Variants in LGMN observed in about 807,000 individuals in gnomAD.
LGMN encodes asparaginyl endopeptidase.
A neutral mutation model predicts 56.8 loss-of-function variants in LGMN; 36 were observed. That is an observed-to-expected ratio of 0.63 (90% CI 0.49 to 0.84). LGMN has a LOEUF of 0.84. Among genes scored for constraint, LGMN ranks in the 40% least tolerant of loss-of-function variants. The probability of loss-of-function intolerance (pLI) is 0.00; values close to 1 mark genes in which losing one functional copy is unlikely to be tolerated. For missense variants in LGMN, 446 were observed against 556.1 expected (o/e 0.80, Z 1.99); for synonymous variants, 199 against 210.1 (o/e 0.95, Z 0.46).
chr14:92,704,291 C>T lies in LGMN; in HGVS notation c.*28G>A, dbSNP rs746114075. The T allele has an allele frequency of 8.1e-6, 13 of 1,612,766 alleles. No homozygotes were observed. The highest frequency in any genetic ancestry group is 1.0e-5 in the Non-Finnish European group (12 of 1,179,976). On this transcript the variant is annotated 3_prime_UTR_variant, in exon 14 of 14. Transcript: ENST00000334869. ...GCACACAGTCGGTGGGGCGCTCACA[C>T]TTGGAAAAGCTTCCAGGAGGCAGCT...
intron 2 of LGMN, among the ~76,000 whole-genome samples, chr14:92,721,837 C>G (rs1299888363): frequency 6.6e-6 from 1 of 152,138 alleles, no homozygotes; most frequent in Admixed American, 6.6e-5. Flanking sequence ...GATGGGTACC[C>G]AAGAAGTGCA....
intron 7 of LGMN, 41 bp from the exon 8 acceptor site, chr14:92,712,912 TAC>T (rs1289680577): frequency 4.4e-6 from 7 of 1,581,060 alleles, no homozygotes; most frequent in Non-Finnish European, 6.1e-6. Flanking sequence ...CCCATCCAGG[TAC>T]GGGCCTCCAG....
chr14:92,728,897 G>C (rs998070417), intron 2 of LGMN, among the ~76,000 whole-genome samples: 4 of 152,138 alleles, frequency 2.6e-5, no homozygotes, highest in African/African-American at 9.7e-5. Context: ...TGGGTTGTCT[G>C]AGGATTGAGA....
intron 1 of LGMN, among the ~76,000 whole-genome samples, chr14:92,736,081 C>G (rs1377797843): frequency 6.6e-6 from 1 of 152,170 alleles, no homozygotes; most frequent in East Asian, 1.9e-4. Flanking sequence ...GCAAGTGAAA[C>G]AGTGAAAGAA....
chr14:92,719,878 A>C (rs1390513171), intron 2 of LGMN, among the ~76,000 whole-genome samples: 1 of 152,238 alleles, frequency 6.6e-6, no homozygotes, highest in Non-Finnish European at 1.5e-5. Context: ...TAATTTTGTC[A>C]TTCCTAGAAC....
intron 12 of LGMN, 94 bp downstream of exon 12, chr14:92,706,389 A>G (rs1410480744): frequency 9.5e-7 from 1 of 1,056,826 alleles, no homozygotes; most frequent in Non-Finnish European, 1.3e-6. Flanking sequence ...CCTGGATGGA[A>G]CCTTCTATAA....
At chr14:92,746,622 A>G (rs928883036) in intron 1 of LGMN, among the ~76,000 whole-genome samples, 2 of 152,208 alleles carry the variant, frequency 1.3e-5, no homozygotes, top group Admixed American at 1.3e-4. Context: ...CACACTACAG[A>G]GTATCTGAGA....
intron 4 of LGMN, among the ~76,000 whole-genome samples, chr14:92,716,680 T>C (rs963222177): frequency 1.3e-5 from 2 of 152,186 alleles, no homozygotes; most frequent in Non-Finnish European, 2.9e-5. Context: ...TACGGTCATC[T>C]TTTTTACCTG....
rs1269394197 is a variant in LGMN, at chr14:92,704,031, T to C, written c.*288A>G. On this transcript the variant is annotated 3_prime_UTR_variant, in exon 14 of 14. Transcript: ENST00000334869. ...GCTACAGAAGCCCCCATGAGCTTCCTGCTCCTCAAAACTAACAGGCAAAAC... is the reference window on the plus strand; with the variant it reads ...GCTACAGAAGCCCCCATGAGCTTCCCGCTCCTCAAAACTAACAGGCAAAAC... 8 of 693,908 alleles carry C rather than the reference T, an allele frequency of 1.2e-5. No homozygotes were observed. The highest frequency in any genetic ancestry group is 2.1e-5 in the Admixed American group (1 of 48,514). The allele number at this position is 693,908 out of a possible 1,614,324, so 43.0% of individuals were successfully genotyped here. A position where few individuals can be genotyped will look rare whatever the true frequency, so the allele number is the denominator to read the frequency against.
At chr14:92,717,900 G>A (rs1224719165) in intron 3 of LGMN, among the ~76,000 whole-genome samples, 3 of 152,182 alleles carry the variant, frequency 2.0e-5, no homozygotes, top group Non-Finnish European at 4.4e-5. Flanking sequence ...CACAGTAAGG[G>A]TAGCGTCCTT....
intron 10 of LGMN, among the ~76,000 whole-genome samples, chr14:92,710,537 A>T (rs897762877): frequency 6.6e-6 from 1 of 152,232 alleles, no homozygotes; most frequent in Non-Finnish European, 1.5e-5. Flanking sequence ...ACTGGCTCCC[A>T]ATCAGAAGGG....
At chr14:92,712,681 C>T in intron 8 of LGMN, 124 bp downstream of exon 8, 2 of 821,014 alleles carry the variant, frequency 2.4e-6, no homozygotes, top group East Asian at 2.7e-5. Context: ...AAGTATCTCC[C>T]CACTTCTATG....
intron 1 of LGMN, among the ~76,000 whole-genome samples, chr14:92,739,298 G>C (rs1891444597): frequency 6.6e-6 from 1 of 152,146 alleles, no homozygotes; most frequent in South Asian, 2.1e-4. Flanking sequence ...TGACAAAAAA[G>C]TGAACGACGC....
At chr14:92,713,472 G>A (rs1889904157) in intron 7 of LGMN, among the ~76,000 whole-genome samples, 1 of 152,098 alleles carries the variant, frequency 6.6e-6, no homozygotes, top group African/African-American at 2.4e-5. Flanking sequence ...TTCCTCCCCA[G>A]CTGCCCGAAA....
At chr14:92,723,133 G>A (rs983040934) in intron 2 of LGMN, among the ~76,000 whole-genome samples, 3 of 151,206 alleles carry the variant, frequency 2.0e-5, no homozygotes, top group Non-Finnish European at 4.4e-5. Context: ...TGCAACCTCC[G>A]CCTCCCGGGT....
In LGMN at chr14:92,717,529, T is replaced by C. The variant is rs1013387134; in HGVS notation, c.237-68A>G. 7 of 1,153,430 alleles carry C rather than the reference T, an allele frequency of 6.1e-6. No homozygotes were observed. The South Asian group carries it at 7.4e-5, about 12-fold the overall frequency. The allele number at this position is 1,153,430 out of a possible 1,614,324, so 71.4% of individuals were successfully genotyped here. A position where few individuals can be genotyped will look rare whatever the true frequency, so the allele number is the denominator to read the frequency against. On this transcript the variant is annotated intron_variant, in intron 3 of 13. Coordinates refer to ENST00000334869, the MANE Select transcript of LGMN (RefSeq NM_005606.7). Reference sequence around the variant, plus strand: ...TCCGAAATCTCTCTCTTCAAACACATGTATGTTATGCGAAAAAATAGTAAA... The same window carrying C: ...TCCGAAATCTCTCTCTTCAAACACACGTATGTTATGCGAAAAAATAGTAAA...
rs559706891 is a variant in LGMN, at chr14:92,713,727, C to T, written c.543+96G>A. The T allele has an allele frequency of 1.6e-5, 14 of 851,498 alleles. No homozygotes were observed. The East Asian group carries it at 3.2e-4, about 20-fold the overall frequency. The allele number at this position is 851,498 out of a possible 1,614,324, so 52.7% of individuals were successfully genotyped here. A position where few individuals can be genotyped will look rare whatever the true frequency, so the allele number is the denominator to read the frequency against. On this transcript the variant is annotated intron_variant, in intron 7 of 13. Transcript: ENST00000334869. The stretch of plus-strand genomic sequence containing the variant: ...ATCCCCTTTCTAGAAAACACAGCAC[C>T]CACAGTTGGAGGACGGTCACGGGAC...
In LGMN at chr14:92,730,504, G is replaced by A. The variant is rs555960729; in HGVS notation, c.138+2145C>T. Among the ~76,000 whole-genome samples the A allele has an allele frequency of 8.9e-4, 135 of 152,264 alleles. 1 individual carries two copies. Among genetic ancestry groups the A allele is most frequent in the South Asian group, 3.1e-3 (15 of 4,818 alleles). Reference sequence around the variant, plus strand: ...TGCACAGGTGCGATAATAGCTCACGGCAGCCTTAAATTCCTGGGCTCAAGC... The same window carrying A: ...TGCACAGGTGCGATAATAGCTCACGACAGCCTTAAATTCCTGGGCTCAAGC... On this transcript the variant is annotated intron_variant, in intron 2 of 13. Coordinates refer to ENST00000334869, the MANE Select transcript of LGMN (RefSeq NM_005606.7).
intron 1 of LGMN, among the ~76,000 whole-genome samples, chr14:92,737,208 T>C (rs569965766): frequency 3.3e-5 from 5 of 152,184 alleles, no homozygotes. Flanking sequence ...TTCTAAGAGA[T>C]GGTTGAATTA....
Sources: allele counts gnomAD v4.1 joint callset (sites outside exome capture counted in the v4.1 genomes callset), GRCh38; gene constraint gnomAD v4.1.1; transcripts MANE v1.5; gene names NCBI Gene and HGNC (gene_info 2026-07-23, HGNC 2026-07-21).